Variants in F5 observed in about 807,000 individuals in gnomAD.
F5 encodes the protein activated protein c cofactor.
A neutral mutation model predicts 216.4 loss-of-function variants in F5; 138 were observed. The ratio of observed to expected loss-of-function variants is 0.64; its 90% CI spans 0.56 to 0.73. F5 has a LOEUF of 0.73. Ranked by LOEUF, F5 falls within the 30% of genes least tolerant of loss-of-function variation. The pLI is 0.00. For synonymous variants in F5, 916 were observed against 930.7 expected, an observed-to-expected ratio of 0.98 and a Z score of 0.29; for missense variants, 2,403 against 2,674.0, an observed-to-expected ratio of 0.90 and a Z score of 2.24.
intron 22 of F5, among the ~76,000 whole-genome samples, chr1:169,520,217 G>C (rs924876455): frequency 6.6e-6 from 1 of 152,186 alleles, no homozygotes. Context: ...ATCTCAGGTA[G>C]GTCTTATTGA....
intron 13 of F5, among the ~76,000 whole-genome samples, chr1:169,537,793 C>T (rs1309942503): frequency 6.6e-6 from 1 of 151,970 alleles, no homozygotes; most frequent in East Asian, 1.9e-4. Flanking sequence ...CACCTCACAC[C>T]GTTAGGATGG....
At chr1:169,548,835 C>A (rs2101824511) in intron 10 of F5, among the ~76,000 whole-genome samples, 1 of 150,224 alleles carries the variant, frequency 6.7e-6, no homozygotes, top group East Asian at 2.0e-4. Context: ...TGCCACTGCT[C>A]TCCAGCCTGG....
Position 169,556,776 on chromosome 1 carries a change from C to T in F5, c.822G>A (p.Gln274=), listed in dbSNP as rs374669298. 1 of 1,613,988 alleles carries T rather than the reference C, an allele frequency of 6.2e-7. No individual in the cohort carries two copies. The highest frequency in any genetic ancestry group is 2.2e-5 in the East Asian group (1 of 44,888). ...CCTTATGATGGTTCTGCTCCAGGACCTGGCCGTTGAAATGAATGGAGAATA... is the reference window on the plus strand; with the variant it reads ...CCTTATGATGGTTCTGCTCCAGGACTTGGCCGTTGAAATGAATGGAGAATA... The part of the protein sequence containing the change: ...PELFSIHFNG[Q]VLEQNHHKVS... Residue 274 remains glutamine (Q), a synonymous_variant, in exon 6 of 25, where the codon CAG becomes CAA. Coordinates refer to ENST00000367797, the MANE Select transcript of F5 (RefSeq NM_000130.5).
chr1:169,540,846 A>G lies in F5; in HGVS notation c.4244T>C (p.Leu1415Pro), dbSNP rs1422064725. 6.2e-7 allele frequency: 1 copy of G among 1,611,852 alleles called. No homozygotes were observed. The highest frequency in any genetic ancestry group is 1.7e-5 in the Admixed American group (1 of 59,420). Residue 1415 changes from leucine to proline, a missense_variant, in exon 13 of 25, where the codon CTT (leucine) becomes CCT (proline). Leu to Pro is a moderately conservative substitution (Grantham distance 98, BLOSUM62 -3). Transcript: ENST00000367797. ...DLDQMTLSPD[L>P]GETDLSPNFG... ...GTTTGGGGAAAGATCTGTCTCACCA[A>G]GGTCTGGAGAAAGTGTCATCTGGTC...
intron 2 of F5, among the ~76,000 whole-genome samples, chr1:169,576,366 T>C (rs2101842740): frequency 6.6e-6 from 1 of 152,264 alleles, no homozygotes; most frequent in South Asian, 2.1e-4. Context: ...TTTATTCTGA[T>C]CTTGTGCCTG....
At chr1:169,537,039 A>G (rs977783687) in intron 13 of F5, among the ~76,000 whole-genome samples, 1 of 152,012 alleles carries the variant, frequency 6.6e-6, no homozygotes, top group Non-Finnish European at 1.5e-5. Flanking sequence ...TATTTGTGAG[A>G]TTATCTATTA....
chr1:169,537,292 G>A (rs1364651199), intron 13 of F5, among the ~76,000 whole-genome samples: 1 of 152,162 alleles, frequency 6.6e-6, no homozygotes, highest in Admixed American at 6.6e-5. Context: ...AGGTGACAAT[G>A]GTCAGATTAA....
chr1:169,525,847 T>A, intron 18 of F5, 54 bp downstream of exon 18: 1 of 1,212,904 alleles, frequency 8.2e-7, no homozygotes, highest in Non-Finnish European at 1.2e-6. Context: ...TTGGTAATAT[T>A]CTAGTAATAG....
At position 169,525,763 on chromosome 1, in the gene F5, A is replaced by G. The variant is rs9332636; in HGVS notation, c.5716+138T>C. The G allele has an allele frequency of 2.7e-4, 203 of 742,038 alleles. 1 individual carries two copies. In the African/African-American group the frequency reaches 3.2e-3, roughly 12 times the overall value. 46.0% of individuals were successfully genotyped at this position (742,038 alleles called of 1,614,324 possible). On this transcript the variant is annotated intron_variant, in intron 18 of 24. Coordinates refer to ENST00000367797, the MANE Select transcript of F5 (RefSeq NM_000130.5). Reference sequence around the variant, plus strand: ...ATGCAATCAGACCATGGGCCGGAATAAAAGCAATTATGGCTACAAATTATG... The same window carrying G: ...ATGCAATCAGACCATGGGCCGGAATGAAAGCAATTATGGCTACAAATTATG...
chr1:169,553,779 A>G lies in F5; in HGVS notation c.1119-1045T>C, dbSNP rs149147911. ...TCTCATGCCAGTCAGAATGGCGATG[A>G]TTGAAAAGTCAAGAAAGAAGAGATG... On this transcript the variant is annotated intron_variant, in intron 7 of 24. Transcript: ENST00000367797. 4.5e-4 allele frequency among the ~76,000 whole-genome samples: 68 copies of G among 152,312 alleles called. 1 individual carries two copies. In the East Asian group the frequency reaches 0.01, roughly 23 times the overall value.
intron 2 of F5, among the ~76,000 whole-genome samples, chr1:169,576,675 C>G (rs1660856858): frequency 6.6e-6 from 1 of 152,150 alleles, no homozygotes; most frequent in Admixed American, 6.5e-5. Context: ...GACTGACCCC[C>G]CTCTTCCAGC....
intron 17 of F5, among the ~76,000 whole-genome samples, chr1:169,527,453 C>T (rs952570785): frequency 1.3e-5 from 2 of 152,114 alleles, no homozygotes; most frequent in African/African-American, 4.8e-5. Flanking sequence ...ATGTTTTCCT[C>T]TTCAAACAGT....
chr1:169,524,970 A>C, intron 18 of F5, 62 bp from the exon 19 acceptor site: 1 of 1,279,032 alleles, frequency 7.8e-7, no homozygotes, highest in Admixed American at 1.7e-5. Context: ...ATAAAGTAAA[A>C]CTCCATGGTT....
intron 12 of F5, among the ~76,000 whole-genome samples, chr1:169,544,027 C>T (rs1197739747): frequency 6.6e-6 from 1 of 152,170 alleles, no homozygotes; most frequent in Admixed American, 6.5e-5. Flanking sequence ...ATGCTTCTTC[C>T]TCAGAGTTAT....
intron 6 of F5, among the ~76,000 whole-genome samples, chr1:169,555,911 G>A (rs1366488126): frequency 6.6e-6 from 1 of 152,108 alleles, no homozygotes; most frequent in African/African-American, 2.4e-5. Context: ...ATCTCATGAA[G>A]TATCTCTTCC....
chr1:169,529,234 C>G (rs971032529), intron 16 of F5, among the ~76,000 whole-genome samples: 1 of 152,170 alleles, frequency 6.6e-6, no homozygotes, highest in Admixed American at 6.6e-5. Context: ...GTGATCATTT[C>G]TTTTATATAA....
At chr1:169,518,123 C>T (rs1236300216) in intron 23 of F5, among the ~76,000 whole-genome samples, 2 of 152,086 alleles carry the variant, frequency 1.3e-5, no homozygotes, top group African/African-American at 2.4e-5. Flanking sequence ...CCCACAAAGA[C>T]TAAAATATTT....
At chr1:169,514,531 T>C in intron 24 of F5, 72 bp from the exon 25 acceptor site, 2 of 1,362,304 alleles carry the variant, frequency 1.5e-6, no homozygotes, top group African/African-American at 1.4e-5. Flanking sequence ...TGTTTTTTTT[T>C]AGACAGGGTC....
At chr1:169,519,708 C>T (rs1354362113) in intron 22 of F5, among the ~76,000 whole-genome samples, 1 of 152,172 alleles carries the variant, frequency 6.6e-6, no homozygotes, top group Non-Finnish European at 1.5e-5. Flanking sequence ...TCTAGTGCAC[C>T]TATTTATTGA....
Sources: gnomAD v4.1 joint callset for allele counts (sites outside exome capture counted in the v4.1 genomes callset) on GRCh38, gnomAD v4.1.1 for gene constraint, MANE v1.5 for transcripts, NCBI Gene and HGNC (gene_info 2026-07-23, HGNC 2026-07-21) for gene names.